Variants in SOX5 observed in about 807,000 individuals in gnomAD.
SOX5 encodes the protein SRY-box transcription factor 5, also known as transcription factor SOX-5.
In SOX5, 9 loss-of-function variants were observed where a neutral mutation model predicts 92.0. The ratio of observed to expected loss-of-function variants is 0.10; its 90% CI spans 0.06 to 0.17. The LOEUF is 0.17. Ranked by LOEUF, SOX5 falls within the 10% of genes least tolerant of loss-of-function variation. The pLI, the probability that SOX5 is intolerant of heterozygous loss-of-function variation, is 1.00. For synonymous variants in SOX5, 344 were observed against 336.3 expected (o/e 1.02, Z -0.25); for missense variants, 642 against 944.5 (o/e 0.68, Z 4.20).
chr12:23,709,120 G>A (rs541406409), intron 6 of SOX5, among the ~76,000 whole-genome samples: 5 of 152,166 alleles, frequency 3.3e-5, no homozygotes, highest in African/African-American at 1.2e-4. Context: ...TATTTATTTT[G>A]AGATAGGGTC....
At chr12:24,341,350 T>C (rs1269621517) in intron 2 of SOX5, among the ~76,000 whole-genome samples, 2 of 152,222 alleles carry the variant, frequency 1.3e-5, no homozygotes, top group East Asian at 3.9e-4. Flanking sequence ...TGGTGGCATG[T>C]GCCTGTAGTC....
intron 9 of SOX5, among the ~76,000 whole-genome samples, chr12:23,581,692 A>T (rs1950060863): frequency 6.6e-6 from 1 of 152,096 alleles, no homozygotes; most frequent in African/African-American, 2.4e-5. Context: ...TTAGGCATGT[A>T]GCTTTGAGGC....
chr12:23,848,021 T>C (rs2136094267), intron 2 of SOX5, among the ~76,000 whole-genome samples: 1 of 152,238 alleles, frequency 6.6e-6, no homozygotes, highest in East Asian at 1.9e-4. Context: ...TAACACACAT[T>C]AGCTTAGTTT....
At chr12:24,106,989 AAAG>A (rs1484453136) in intron 4 of SOX5, among the ~76,000 whole-genome samples, 3 of 152,220 alleles carry the variant, frequency 2.0e-5, no homozygotes, top group East Asian at 3.9e-4. Flanking sequence ...GAGGTAAGGT[AAAG>A]AAGAATCCTA....
At chr12:24,013,384 T>G (rs897231056) in intron 4 of SOX5, among the ~76,000 whole-genome samples, 1 of 152,184 alleles carries the variant, frequency 6.6e-6, no homozygotes, top group African/African-American at 2.4e-5. Context: ...TAAGACAGCT[T>G]AATAATTTTA....
chr12:24,337,903 T>C (rs2141039385), intron 2 of SOX5, among the ~76,000 whole-genome samples: 1 of 152,270 alleles, frequency 6.6e-6, no homozygotes, highest in South Asian at 2.1e-4. Flanking sequence ...AAGAACTTTC[T>C]AGAATCATGG....
intron 7 of SOX5, among the ~76,000 whole-genome samples, chr12:23,652,432 T>A (rs1436053222): frequency 1.3e-5 from 2 of 152,012 alleles, no homozygotes; most frequent in Non-Finnish European, 2.9e-5. Flanking sequence ...TTTATCTGAA[T>A]GATCTTATCC....
intron 2 of SOX5, among the ~76,000 whole-genome samples, chr12:24,366,713 G>C (rs910624719): frequency 6.6e-6 from 1 of 151,890 alleles, no homozygotes; most frequent in African/African-American, 2.4e-5. Context: ...TTCCTATCTA[G>C]TGTAAATTCC....
At chr12:24,372,135 C>CT (rs1956800929) in intron 1 of SOX5, among the ~76,000 whole-genome samples, 1 of 152,122 alleles carries the variant, frequency 6.6e-6, no homozygotes, top group Admixed American at 6.6e-5. Flanking sequence ...ACTGCTGCTT[C>CT]TTTTTTCATA....
At chr12:24,319,481 A>G (rs1474825690) in intron 2 of SOX5, among the ~76,000 whole-genome samples, 1 of 152,184 alleles carries the variant, frequency 6.6e-6, no homozygotes, top group Non-Finnish European at 1.5e-5. Context: ...TAATCAATTA[A>G]TCACCAATAT....
chr12:24,114,943 A>ATAAG (rs1200094659), intron 4 of SOX5, among the ~76,000 whole-genome samples: 8 of 152,034 alleles, frequency 5.3e-5, no homozygotes, highest in African/African-American at 1.7e-4. Context: ...CTCTAACTAA[A>ATAAG]TAAAGTAAAA....
chr12:24,104,440 C>A (rs530748087), intron 4 of SOX5, among the ~76,000 whole-genome samples: 1 of 152,202 alleles, frequency 6.6e-6, no homozygotes, highest in South Asian at 2.1e-4. Flanking sequence ...GATACCATAT[C>A]AATCTGACAT....
At chr12:24,388,544 A>G (rs765683029) in intron 1 of SOX5, among the ~76,000 whole-genome samples, 2 of 152,128 alleles carry the variant, frequency 1.3e-5, no homozygotes, top group Admixed American at 1.3e-4. Flanking sequence ...ACAGCCTGCT[A>G]TCATTATCCC....
At chr12:23,815,014 C>T (rs2095960198) in intron 3 of SOX5, among the ~76,000 whole-genome samples, 1 of 152,100 alleles carries the variant, frequency 6.6e-6, no homozygotes, top group Non-Finnish European at 1.5e-5. Flanking sequence ...AAAGAGTTTT[C>T]ATCCAAAGAC....
At chr12:23,979,913 C>CTGGCTGGCCAGA (rs1555459467) in intron 4 of SOX5, among the ~76,000 whole-genome samples, 2 of 124,206 alleles carry the variant, frequency 1.6e-5, no homozygotes, top group African/African-American at 6.1e-5. Flanking sequence ...GGCTGGCTGG[C>CTGGCTGGCCAGA]CAGACAGACA....
intron 6 of SOX5, among the ~76,000 whole-genome samples, chr12:23,691,112 T>C (rs948995120): frequency 1.3e-5 from 2 of 151,990 alleles, no homozygotes; most frequent in African/African-American, 4.8e-5. Context: ...AAGACCAAAA[T>C]TGGAAGCAGT....
At chr12:24,460,254 GCTGT>G (rs1943475284) in intron 1 of SOX5, among the ~76,000 whole-genome samples, 1 of 152,126 alleles carries the variant, frequency 6.6e-6, no homozygotes. Flanking sequence ...CAACCTAAAG[GCTGT>G]CTCTCTTACC....
intron 4 of SOX5, among the ~76,000 whole-genome samples, chr12:24,058,228 A>G (rs1569527704): frequency 6.6e-6 from 1 of 152,278 alleles, no homozygotes; most frequent in Non-Finnish European, 1.5e-5. Flanking sequence ...GAGTCACTCC[A>G]TAACAAGTAA....
intron 1 of SOX5, among the ~76,000 whole-genome samples, chr12:23,923,157 G>A (rs1358570410): frequency 6.6e-6 from 1 of 152,088 alleles, no homozygotes; most frequent in Non-Finnish European, 1.5e-5. Flanking sequence ...GTGTTAGCCA[G>A]GATGGTCTCA....
Sources: allele counts gnomAD v4.1 joint callset (sites outside exome capture counted in the v4.1 genomes callset), GRCh38; gene constraint gnomAD v4.1.1; transcripts MANE v1.5; gene names NCBI Gene and HGNC (gene_info 2026-07-23, HGNC 2026-07-21).